Variants in PPP3CA observed in about 807,000 individuals in gnomAD.
PPP3CA encodes CAM-PRP catalytic subunit.
A neutral mutation model predicts 66.5 loss-of-function variants in PPP3CA; 14 were observed. The ratio of observed to expected loss-of-function variants is 0.21; its 90% CI spans 0.14 to 0.33. PPP3CA has a LOEUF of 0.33. Ranked by LOEUF, PPP3CA falls within the 10% of genes least tolerant of loss-of-function variation. The pLI is 1.00. For synonymous variants in PPP3CA, 232 were observed against 226.2 expected (o/e 1.03, Z -0.23); for missense variants, 317 against 639.5 (o/e 0.50, Z 5.44).
Position 101,333,270 on chromosome 4 carries a change from GTTTTTTTTTTTTTT to G in PPP3CA, c.58+13455_58+13468del, listed in dbSNP as rs70961788. On this transcript the variant is annotated intron_variant, in intron 1 of 13. Coordinates refer to ENST00000394854, the MANE Select transcript of PPP3CA (RefSeq NM_000944.5). Reference sequence around the variant, plus strand: ...CTACAGGCATGCACTACCATGCCCAGTTTTTTTTTTTTTTTTTTTTTTTTTTTTTTTTTTTTTTT... The same window carrying G: ...CTACAGGCATGCACTACCATGCCCAGTTTTTTTTTTTTTTTTTTTTTTTTT... Among the ~76,000 whole-genome samples the G allele has an allele frequency of 2.8e-4, 13 of 47,270 alleles. No individual in the cohort carries two copies. The South Asian group carries it at 4.1e-3, about 15-fold the overall frequency. The allele number at this position is 47,270 out of a possible 152,430, so 31.0% of individuals were successfully genotyped here.
At position 101,116,150 on chromosome 4, in the gene PPP3CA, C is replaced by T. The variant is rs375099552; in HGVS notation, c.260-7072G>A. On this transcript the variant is annotated intron_variant, in intron 2 of 13. Transcript: ENST00000394854. ...GGAAGACTTGCATGAAGTAGAAAAA[C>T]TTCTTATACAAGTTTTTCCAGTTCA... Among the ~76,000 whole-genome samples the T allele has an allele frequency of 1.2e-4, 18 of 151,944 alleles. No individual in the cohort carries two copies. The East Asian group carries it at 3.3e-3, about 28-fold the overall frequency.
intron 1 of PPP3CA, among the ~76,000 whole-genome samples, chr4:101,218,338 T>C (rs1725515953): frequency 6.6e-6 from 1 of 152,112 alleles, no homozygotes. Context: ...TGGTCTTTAC[T>C]ATCAAATACT....
chr4:101,030,760 A>T (rs1327272570), intron 12 of PPP3CA, among the ~76,000 whole-genome samples: 1 of 152,152 alleles, frequency 6.6e-6, no homozygotes, highest in African/African-American at 2.4e-5. Flanking sequence ...TAAATGTTCT[A>T]AAGCGAATGT....
chr4:101,106,459 A>G (rs1730738150), intron 3 of PPP3CA, among the ~76,000 whole-genome samples: 1 of 40,458 alleles, frequency 2.5e-5, no homozygotes, highest in African/African-American at 2.5e-4. Context: ...GAAAGAGAAA[A>G]GAAAAGAAAA....
chr4:101,239,788 T>C (rs943742012), intron 1 of PPP3CA, among the ~76,000 whole-genome samples: 1 of 152,048 alleles, frequency 6.6e-6, no homozygotes, highest in Non-Finnish European at 1.5e-5. Flanking sequence ...TGGCTAAAAC[T>C]GCCTCATCAA....
chr4:101,107,621 G>A (rs1277729320), intron 3 of PPP3CA, among the ~76,000 whole-genome samples: 6 of 152,164 alleles, frequency 3.9e-5, no homozygotes, highest in African/African-American at 4.8e-5. Context: ...ATACATATAT[G>A]TCTACATAAA....
chr4:101,102,825 G>C (rs1285445310), intron 3 of PPP3CA, among the ~76,000 whole-genome samples: 1 of 152,146 alleles, frequency 6.6e-6, no homozygotes, highest in Admixed American at 6.5e-5. Flanking sequence ...TGAATTAATT[G>C]GTTAAGGTAG....
rs138979867 is a variant in PPP3CA, at chr4:101,327,301, C to T, written c.58+19438G>A. On this transcript the variant is annotated intron_variant, in intron 1 of 13. Coordinates refer to ENST00000394854, the MANE Select transcript of PPP3CA (RefSeq NM_000944.5). ...CTGAATGGGATTCCAGTTTGCCTCTCTTCCATAAGAAAAAATTCTAAAACC... is the reference window on the plus strand; with the variant it reads ...CTGAATGGGATTCCAGTTTGCCTCTTTTCCATAAGAAAAAATTCTAAAACC... Among the ~76,000 whole-genome samples, 1,178 of 152,190 alleles carry T rather than the reference C, an allele frequency of 7.7e-3. 13 individuals are homozygous for T. Among genetic ancestry groups the T allele is most frequent in the African/African-American group, 0.027 (1,122 of 41,536 alleles).
chr4:101,083,075 T>C (rs991329222), intron 7 of PPP3CA, 111 bp downstream of exon 7: 1 of 726,786 alleles, frequency 1.4e-6, no homozygotes, highest in Non-Finnish European at 2.1e-6. Flanking sequence ...TAAGCTCTAA[T>C]TCCTTTTGGG....
chr4:101,066,946 C>T (rs922499200), intron 8 of PPP3CA, among the ~76,000 whole-genome samples: 4 of 152,048 alleles, frequency 2.6e-5, no homozygotes, highest in African/African-American at 7.2e-5. Flanking sequence ...GTCTGAGAAA[C>T]AGAGAAAAAA....
In PPP3CA at chr4:101,309,200, C is replaced by T. The variant is rs139065148; in HGVS notation, c.58+37539G>A. The stretch of plus-strand genomic sequence containing the variant: ...CCCACCTTCCTCTGTCATCCCTTTT[C>T]TGTACTTTGATAGCAAGGCCTTTGT... On this transcript the variant is annotated intron_variant, in intron 1 of 13. Coordinates refer to ENST00000394854, the MANE Select transcript of PPP3CA (RefSeq NM_000944.5). Among the ~76,000 whole-genome samples the T allele has an allele frequency of 4.3e-4, 66 of 152,220 alleles. No homozygotes were observed. The South Asian group carries it at 5.6e-3, about 13-fold the overall frequency.
chr4:101,128,741 T>G (rs1201965262), intron 2 of PPP3CA, among the ~76,000 whole-genome samples: 2 of 152,080 alleles, frequency 1.3e-5, no homozygotes, highest in Non-Finnish European at 2.9e-5. Flanking sequence ...CCCCACGGCC[T>G]TTGCGACCCA....
chr4:101,302,064 T>C (rs1300741735), intron 1 of PPP3CA, among the ~76,000 whole-genome samples: 3 of 152,154 alleles, frequency 2.0e-5, no homozygotes, highest in African/African-American at 4.8e-5. Flanking sequence ...GTTTTACTGA[T>C]AGAGATTATG....
Position 101,025,788 on chromosome 4 carries a change from A to C in PPP3CA, c.*77T>G. On this transcript the variant is annotated 3_prime_UTR_variant, in exon 14 of 14. Transcript: ENST00000394854. Reference sequence around the variant, plus strand: ...CAGAGGCAAGAACATCCAACTGCTGATATGCAGCAATCCCCATCATGCCCC... The same window carrying C: ...CAGAGGCAAGAACATCCAACTGCTGCTATGCAGCAATCCCCATCATGCCCC... 8.2e-7 allele frequency: 1 copy of C among 1,212,598 alleles called. No homozygotes were observed. The highest frequency in any genetic ancestry group is 1.1e-6 in the Non-Finnish European group (1 of 888,958). 75.1% of individuals were successfully genotyped at this position (1,212,598 alleles called of 1,614,324 possible).
At chr4:101,289,526 C>G (rs1727951503) in intron 1 of PPP3CA, among the ~76,000 whole-genome samples, 2 of 152,110 alleles carry the variant, frequency 1.3e-5, no homozygotes, top group South Asian at 2.1e-4. Context: ...CCTCATTTTG[C>G]AGTGAAACCT....
At chr4:101,094,048 C>CCT in intron 5 of PPP3CA, 133 bp from the exon 6 acceptor site, 13 of 694,804 alleles carry the variant, frequency 1.9e-5, no homozygotes, top group Non-Finnish European at 2.6e-5. Context: ...ATGTCCTCTA[C>CCT]CTCTCTCTCT....
intron 1 of PPP3CA, among the ~76,000 whole-genome samples, chr4:101,306,838 T>C (rs574235824): frequency 6.6e-6 from 1 of 152,268 alleles, no homozygotes. Context: ...TTTTTGTCTG[T>C]TTGTTTAGTT....
intron 1 of PPP3CA, among the ~76,000 whole-genome samples, chr4:101,219,831 A>T (rs888334835): frequency 6.6e-6 from 1 of 151,878 alleles, no homozygotes; most frequent in African/African-American, 2.4e-5. Flanking sequence ...GGGAATTCAA[A>T]CTCAAAAGAT....
chr4:101,264,717 A>G (rs1387297328), intron 1 of PPP3CA, among the ~76,000 whole-genome samples: 1 of 152,212 alleles, frequency 6.6e-6, no homozygotes, highest in Non-Finnish European at 1.5e-5. Context: ...AGTTCAAATA[A>G]TCACTAAGCA....
Sources: allele counts gnomAD v4.1 joint callset (sites outside exome capture counted in the v4.1 genomes callset), GRCh38; gene constraint gnomAD v4.1.1; transcripts MANE v1.5; gene names NCBI Gene and HGNC (gene_info 2026-07-23, HGNC 2026-07-21).